Variants in CLDN10 observed in about 807,000 individuals in gnomAD.
CLDN10 encodes claudin-10.
A neutral mutation model predicts 22.9 loss-of-function variants in CLDN10; 15 were observed. That is an observed-to-expected ratio of 0.65 (90% CI 0.44 to 1.01). CLDN10 has a LOEUF of 1.01. Among genes scored for constraint, CLDN10 ranks in the 50% least tolerant of loss-of-function variants. The probability of loss-of-function intolerance (pLI) is 0.00; values close to 1 mark genes in which losing one functional copy is unlikely to be tolerated. For missense variants in CLDN10, 247 were observed against 287.8 expected, an observed-to-expected ratio of 0.86 and a Z score of 1.03; for synonymous variants, 114 against 111.4, an observed-to-expected ratio of 1.02 and a Z score of -0.15.
intron 3 of CLDN10, among the ~76,000 whole-genome samples, chr13:95,576,656 G>T (rs1447032709): frequency 1.3e-5 from 2 of 152,130 alleles, no homozygotes; most frequent in Admixed American, 6.5e-5. Context: ...CTTTGCATCT[G>T]CTCCTGCTGC....
At chr13:95,444,270 A>G (rs2042350950) in intron 1 of CLDN10, among the ~76,000 whole-genome samples, 1 of 152,248 alleles carries the variant, frequency 6.6e-6, no homozygotes, top group African/African-American at 2.4e-5. Flanking sequence ...GGTAATGTAC[A>G]TTATAGAAAG....
At chr13:95,560,589 T>A (rs1157154248) in intron 3 of CLDN10, 126 bp downstream of exon 3, 1 of 712,542 alleles carries the variant, frequency 1.4e-6, no homozygotes, top group Non-Finnish European at 2.3e-6. Context: ...TGGTAACTGA[T>A]GACATCATTC....
At chr13:95,551,130 A>C (rs998632793), upstream of CLDN10, among the ~76,000 whole-genome samples, 1 of 152,152 alleles carries the variant, frequency 6.6e-6, no homozygotes, top group African/African-American at 2.4e-5. Flanking sequence ...ACCATTAAGC[A>C]CAGAGAAGCC....
At chr13:95,446,146 G>A (rs1437570777) in intron 1 of CLDN10, among the ~76,000 whole-genome samples, 1 of 152,138 alleles carries the variant, frequency 6.6e-6, no homozygotes, top group Non-Finnish European at 1.5e-5. Flanking sequence ...GAGTTGCTCC[G>A]CAATGGGACA....
At chr13:95,509,614 C>A (rs941467403) in intron 1 of CLDN10, among the ~76,000 whole-genome samples, 5 of 152,050 alleles carry the variant, frequency 3.3e-5, no homozygotes, top group Admixed American at 3.3e-4. Context: ...GGTGTCAGAC[C>A]GAATATAAGC....
intron 1 of CLDN10, 29 bp from the exon 2 acceptor site, chr13:95,560,103 G>A (rs2043686632): frequency 6.3e-7 from 1 of 1,578,838 alleles, no homozygotes; most frequent in Non-Finnish European, 8.6e-7. Flanking sequence ...CATGCTTTAT[G>A]TAACGTAAAT....
intron 1 of CLDN10, among the ~76,000 whole-genome samples, chr13:95,463,025 T>C (rs1341115429): frequency 6.6e-6 from 1 of 152,036 alleles, no homozygotes; most frequent in African/African-American, 2.4e-5. Flanking sequence ...GTGTTTGCTA[T>C]GTTGGTGCTT....
chr13:95,571,975 CT>C (rs1316495806), intron 3 of CLDN10, among the ~76,000 whole-genome samples: 1 of 152,156 alleles, frequency 6.6e-6, no homozygotes, highest in Non-Finnish European at 1.5e-5. Context: ...TGGCTCCTAG[CT>C]CTGTGACCTT....
chr13:95,433,818 G>A lies in CLDN10; in HGVS notation c.-16G>A, dbSNP rs899451165. 15 of 1,613,454 alleles carry A rather than the reference G, an allele frequency of 9.3e-6. 1 individual carries two copies. Among genetic ancestry groups the A allele is most frequent in the Non-Finnish European group, 1.3e-5 (15 of 1,179,910 alleles). On this transcript the variant is annotated 5_prime_UTR_variant, in exon 1 of 5. Coordinates refer to the CLDN10 transcript ENST00000376873. ...GCGTTCTGACCGGACAGTGTCACTG[G>A]AGAAGGCGGCGCGACATGTCCAGGG...
In CLDN10 at chr13:95,520,521, C is replaced by A. The variant is rs112235153; in HGVS notation, c.215-39611C>A. 7.8e-4 allele frequency among the ~76,000 whole-genome samples: 118 copies of A among 152,136 alleles called. 1 individual carries two copies. The highest frequency in any genetic ancestry group is 2.7e-3 in the African/African-American group (111 of 41,528). Reference sequence around the variant, plus strand: ...CCCCAGTAGCTGGGATTACAGGTGCCGGCTTCCATGCCCTGCTACTTTTGT... The same window carrying A: ...CCCCAGTAGCTGGGATTACAGGTGCAGGCTTCCATGCCCTGCTACTTTTGT... On this transcript the variant is annotated intron_variant, in intron 1 of 4. Transcript: ENST00000376873.
At chr13:95,560,770 C>T in intron 3 of CLDN10, 1 of 288,740 alleles carries the variant, frequency 3.5e-6, no homozygotes, top group East Asian at 8.3e-5. Flanking sequence ...TGAAAGGTGT[C>T]AGACGGAGAG....
At chr13:95,537,377 G>T (rs1484662279) in intron 1 of CLDN10, among the ~76,000 whole-genome samples, 1 of 152,148 alleles carries the variant, frequency 6.6e-6, no homozygotes, top group African/African-American at 2.4e-5. Context: ...CGTACAGGAG[G>T]CAGTATGAAT....
intron 1 of CLDN10, among the ~76,000 whole-genome samples, chr13:95,436,752 T>C (rs531355795): frequency 1.3e-5 from 2 of 152,214 alleles, no homozygotes; most frequent in Non-Finnish European, 2.9e-5. Context: ...ATTCACACAT[T>C]TGGATTTCCT....
chr13:95,575,957 G>A (rs974381807), intron 3 of CLDN10, among the ~76,000 whole-genome samples: 24 of 152,224 alleles, frequency 1.6e-4, no homozygotes, highest in African/African-American at 5.1e-4. Flanking sequence ...TACCATGCAT[G>A]CTTGATTAAA....
At chr13:95,529,754 G>T (rs990993776) in intron 1 of CLDN10, among the ~76,000 whole-genome samples, 11 of 152,084 alleles carry the variant, frequency 7.2e-5, no homozygotes, top group African/African-American at 2.4e-4. Context: ...AAATAAGTAG[G>T]TTACAGTTAA....
chr13:95,568,320 A>G (rs1789701289), intron 3 of CLDN10, among the ~76,000 whole-genome samples: 1 of 152,228 alleles, frequency 6.6e-6, no homozygotes, highest in Non-Finnish European at 1.5e-5. Flanking sequence ...GTTCAGAAAT[A>G]GTGCAGGCCA....
At chr13:95,436,724 T>C (rs1299928351) in intron 1 of CLDN10, among the ~76,000 whole-genome samples, 2 of 152,204 alleles carry the variant, frequency 1.3e-5, no homozygotes, top group African/African-American at 4.8e-5. Context: ...CTGATTCATA[T>C]TTCCAAAGAA....
intron 1 of CLDN10, among the ~76,000 whole-genome samples, chr13:95,556,444 T>A (rs529383217): frequency 6.6e-6 from 1 of 152,338 alleles, no homozygotes; most frequent in Non-Finnish European, 1.5e-5. Flanking sequence ...CAAAGCTATA[T>A]GTCTAGATTT....
chr13:95,545,486 G>A (rs563950042), intron 1 of CLDN10, among the ~76,000 whole-genome samples: 134 of 152,188 alleles, frequency 8.8e-4, no homozygotes, highest in Non-Finnish European at 1.5e-3. Flanking sequence ...GCGGTGAGCC[G>A]AGATCGCGCC....
Sources: gnomAD v4.1 joint callset for allele counts (sites outside exome capture counted in the v4.1 genomes callset) on GRCh38, gnomAD v4.1.1 for gene constraint, MANE v1.5 for transcripts, NCBI Gene and HGNC (gene_info 2026-07-23, HGNC 2026-07-21) for gene names.